The following KCNAB2 variants were observed in gnomAD, a reference collection of about 807,000 sequenced individuals.
KCNAB2 encodes potassium voltage-gated channel subfamily A regulatory beta subunit 2, also known as voltage-gated potassium channel subunit beta-2.
In KCNAB2, 29 loss-of-function variants were observed where a neutral mutation model predicts 63.6. That is an observed-to-expected ratio of 0.46 (90% CI 0.34 to 0.62). The LOEUF is 0.62. Ranked by LOEUF, KCNAB2 falls within the 20% of genes least tolerant of loss-of-function variation. The probability of loss-of-function intolerance (pLI) is 0.01; values close to 1 mark genes in which losing one functional copy is unlikely to be tolerated. For synonymous variants in KCNAB2, 222 were observed against 224.2 expected (o/e 0.99, Z 0.09); for missense variants, 359 against 563.9 (o/e 0.64, Z 3.68).
rs184535673 is a variant in KCNAB2, at chr1:6,016,335, G to A, written c.-53+23547G>A. Among the ~76,000 whole-genome samples the A allele has an allele frequency of 4.9e-3, 747 of 152,278 alleles. 10 individuals are homozygous for A. The highest frequency in any genetic ancestry group is 0.017 in the African/African-American group (703 of 41,566). On this transcript the variant is annotated intron_variant, in intron 1 of 16. Coordinates refer to the KCNAB2 transcript ENST00000341524. ...CTCAGGGAGGACCTCGCTCCTGGCG[G>A]GTCCTTTCCTGGGATGCACTGACGT...
chr1:6,086,905 C>T lies in KCNAB2; in HGVS notation c.426-562C>T, dbSNP rs936632153. Among the ~76,000 whole-genome samples the T allele has an allele frequency of 1.3e-5, 2 of 152,040 alleles. No individual in the cohort carries two copies. Among genetic ancestry groups the T allele is most frequent in the African/African-American group, 2.4e-5 (1 of 41,366 alleles). ...ATGCCTCCCCTCCCTCCCTTGGTGC[C>T]CCTCAAGTTACCCCGACCAGGCCGT... On this transcript the variant is annotated intron_variant, in intron 6 of 15. Coordinates refer to ENST00000378083, the MANE Select transcript of KCNAB2 (RefSeq NM_001199862.2). The surrounding 1 kb of genome is among the most constrained non-coding windows in gnomAD (Gnocchi z 4.2).
At chr1:5,998,967 G>A (rs1657085774) in intron 1 of KCNAB2, among the ~76,000 whole-genome samples, 2 of 152,254 alleles carry the variant, frequency 1.3e-5, no homozygotes, top group African/African-American at 4.8e-5. Flanking sequence ...GGAGGAAAAG[G>A]AAGGTGAGGG....
chr1:6,023,527 T>G (rs1658967290), intron 1 of KCNAB2, among the ~76,000 whole-genome samples: 1 of 152,196 alleles, frequency 6.6e-6, no homozygotes, highest in Non-Finnish European at 1.5e-5. Flanking sequence ...TGGTTTTGAT[T>G]TGCATTTCCC....
intron 2 of KCNAB2, among the ~76,000 whole-genome samples, chr1:6,066,932 G>C (rs993123716): frequency 2.0e-5 from 3 of 152,236 alleles, no homozygotes; most frequent in Non-Finnish European, 4.4e-5. Flanking sequence ...TCTGGCTCCC[G>C]GTGCTGTGAC....
intron 15 of KCNAB2, chr1:6,097,822 G>T (rs112692547): frequency 3.3e-6 from 1 of 298,884 alleles, no homozygotes; most frequent in Non-Finnish European, 6.2e-6. Context: ...TGAGAGGCAC[G>T]AAACACCTCC....
intron 1 of KCNAB2, among the ~76,000 whole-genome samples, chr1:6,038,761 G>T (rs1009653161): frequency 1.3e-4 from 20 of 152,210 alleles, no homozygotes; most frequent in African/African-American, 4.6e-4. Context: ...CGGCTTCCTG[G>T]TGACGGGAGG....
At chr1:6,075,973 C>T (rs571919406) in intron 4 of KCNAB2, among the ~76,000 whole-genome samples, 1 of 152,366 alleles carries the variant, frequency 6.6e-6, no homozygotes, top group Middle Eastern at 3.4e-3. Flanking sequence ...AGGACATAGC[C>T]ACGCCCATCA....
At chr1:6,052,411 G>A (rs1661467915) in intron 2 of KCNAB2, among the ~76,000 whole-genome samples, 1 of 151,070 alleles carries the variant, frequency 6.6e-6, no homozygotes, top group Non-Finnish European at 1.5e-5. Context: ...GGGTGACAGA[G>A]CGAGACTCCA....
intron 2 of KCNAB2, among the ~76,000 whole-genome samples, chr1:6,055,231 T>C (rs1055164476): frequency 7.9e-5 from 12 of 152,198 alleles, no homozygotes; most frequent in African/African-American, 2.4e-4. Flanking sequence ...TATCTTTTAT[T>C]TGCCTGAAGC....
upstream of KCNAB2, among the ~76,000 whole-genome samples, chr1:6,030,561 CTATG>C (rs1010842538): frequency 7.4e-5 from 11 of 148,018 alleles, no homozygotes; most frequent in African/African-American, 2.0e-4. Flanking sequence ...GTGTGTATGT[CTATG>C]TGTGTATGTG....
chr1:6,061,359 C>T (rs776593377), intron 2 of KCNAB2, among the ~76,000 whole-genome samples: 10 of 151,666 alleles, frequency 6.6e-5, no homozygotes, highest in Middle Eastern at 6.8e-3. Flanking sequence ...ACCCCAGCAC[C>T]GGGCCGGGCG....
intron 2 of KCNAB2, among the ~76,000 whole-genome samples, chr1:6,062,008 T>C (rs1365425872): frequency 1.3e-5 from 2 of 152,016 alleles, no homozygotes; most frequent in East Asian, 3.9e-4. Flanking sequence ...ATAAACCCAC[T>C]GATTGCTTAG....
intron 2 of KCNAB2, among the ~76,000 whole-genome samples, chr1:6,059,970 C>T (rs1407601903): frequency 3.3e-5 from 5 of 152,222 alleles, no homozygotes; most frequent in Admixed American, 1.3e-4. Context: ...GTGGGATGTG[C>T]GCTCTGGGCA....
chr1:6,041,750 C>G (rs556976394), upstream of KCNAB2: 3 of 1,278,560 alleles, frequency 2.3e-6, no homozygotes, highest in Admixed American at 5.1e-5. Flanking sequence ...TGACCTGCAC[C>G]TGCTGGGGTT....
chr1:6,065,123 G>C (rs1212813263), intron 2 of KCNAB2, among the ~76,000 whole-genome samples: 1 of 152,242 alleles, frequency 6.6e-6, no homozygotes, highest in Non-Finnish European at 1.5e-5. Flanking sequence ...TCCGGAGGGA[G>C]AACCCCAAGC....
At chr1:6,025,188 A>T (rs1281686540) in intron 1 of KCNAB2, among the ~76,000 whole-genome samples, 2 of 151,598 alleles carry the variant, frequency 1.3e-5, no homozygotes, top group Non-Finnish European at 2.9e-5. Context: ...CTTTATCTTT[A>T]TCCTGCCGGG....
chr1:5,997,165 A>C (rs756074755), intron 1 of KCNAB2, among the ~76,000 whole-genome samples: 4 of 152,150 alleles, frequency 2.6e-5, no homozygotes, highest in Non-Finnish European at 4.4e-5. Context: ...CCCAGCCACC[A>C]TCCTGCCTGG....
chr1:6,000,025 G>T (rs531460592), intron 1 of KCNAB2, among the ~76,000 whole-genome samples: 1 of 147,420 alleles, frequency 6.8e-6, no homozygotes, highest in Non-Finnish European at 1.5e-5. Flanking sequence ...CCCTGTCTGC[G>T]CCGTCCGTGC....
chr1:6,092,557 G>A (rs996514110), intron 10 of KCNAB2, among the ~76,000 whole-genome samples: 1 of 152,266 alleles, frequency 6.6e-6, no homozygotes, highest in Non-Finnish European at 1.5e-5. Context: ...GGGAACTGAT[G>A]CTGCATGCTC....
Sources: allele counts gnomAD v4.1 joint callset (sites outside exome capture counted in the v4.1 genomes callset), GRCh38; gene constraint gnomAD v4.1.1; non-coding constraint Gnocchi (gnomAD v3.1); transcripts MANE v1.5; gene names NCBI Gene and HGNC (gene_info 2026-07-23, HGNC 2026-07-21).